The following PDIA6 variants were observed in gnomAD, a reference collection of about 807,000 sequenced individuals.
The protein encoded by PDIA6 is protein disulfide-isomerase A6.
A neutral mutation model predicts 58.4 loss-of-function variants in PDIA6; 29 were observed. That is an observed-to-expected ratio of 0.50 (90% CI 0.37 to 0.68). PDIA6 has a LOEUF of 0.68. Ranked by LOEUF, PDIA6 falls within the 30% of genes least tolerant of loss-of-function variation. PDIA6 has a pLI of 0.00. For synonymous variants in PDIA6, 192 were observed against 202.6 expected, an observed-to-expected ratio of 0.95 and a Z score of 0.44; for missense variants, 480 against 551.0, an observed-to-expected ratio of 0.87 and a Z score of 1.29.
In PDIA6 at chr2:10,797,123, T is replaced by C. The variant is rs1666298077; in HGVS notation, c.304A>G (p.Lys102Glu). The change falls in exon 4 of 13, where the codon AAG (lysine) becomes GAG (glutamate). Residue 102 changes from lysine (K) to glutamate (E), a missense_variant. By Grantham distance (56) the Lys-to-Glu change is moderately conservative (BLOSUM62 1). Coordinates refer to ENST00000272227, the MANE Select transcript of PDIA6 (RefSeq NM_005742.4). ...QYGVQGFPTI[K>E]IFGSNKNRPE... ...CTGTTTTTGTTGGATCCAAAAATCT[T>C]AATGGTAGGAAATCCCTGAACACCA... The C allele has an allele frequency of 6.2e-7, 1 of 1,613,456 alleles. No homozygotes were observed. Among genetic ancestry groups the C allele is most frequent in the South Asian group, 1.1e-5 (1 of 91,060 alleles).
At chr2:10,799,438 G>A (rs1365841942) in intron 2 of PDIA6, among the ~76,000 whole-genome samples, 1 of 152,208 alleles carries the variant, frequency 6.6e-6, no homozygotes, top group East Asian at 1.9e-4. Flanking sequence ...TGGAATTGAT[G>A]TTGAGAAGAA....
Position 10,812,733 on chromosome 2 carries a change from C to T in PDIA6, c.-37G>A. Reference sequence around the variant, plus strand: ...GGCTACGTGCAGTCCCCACCGCCGCCGCCGCTTCAGCCCTGCAGCGTGCCG... The same window carrying T: ...GGCTACGTGCAGTCCCCACCGCCGCTGCCGCTTCAGCCCTGCAGCGTGCCG... On this transcript the variant is annotated 5_prime_UTR_variant, in exon 1 of 13. Coordinates refer to ENST00000272227, the MANE Select transcript of PDIA6 (RefSeq NM_005742.4). 12 of 1,488,748 alleles carry T rather than the reference C, an allele frequency of 8.1e-6. No homozygotes were observed. Among genetic ancestry groups the T allele is most frequent in the African/African-American group, 2.9e-5 (2 of 68,962 alleles). 92.2% of individuals were successfully genotyped at this position (1,488,748 alleles called of 1,614,324 possible).
chr2:10,806,653 G>A (rs959121348), intron 1 of PDIA6, among the ~76,000 whole-genome samples: 1 of 97,236 alleles, frequency 1.0e-5, no homozygotes, highest in African/African-American at 3.2e-5. Context: ...AAAGAAAAAC[G>A]TTACAGTAAA....
In PDIA6 at chr2:10,792,730, G is replaced by C. The variant is rs528438914; in HGVS notation, c.453+366C>G. ...GCTGACTGCCACAGATACAGGCCAAGAGGTAATCCAATCTCATCACGGTTT... is the reference window on the plus strand; with the variant it reads ...GCTGACTGCCACAGATACAGGCCAACAGGTAATCCAATCTCATCACGGTTT... On this transcript the variant is annotated intron_variant, in intron 5 of 12. Transcript: ENST00000272227. 2.7e-5 allele frequency among the ~76,000 whole-genome samples: 3 copies of C among 111,566 alleles called. No individual in the cohort carries two copies. In the South Asian group the frequency reaches 1.0e-3, roughly 37 times the overall value. The allele number at this position is 111,566 out of a possible 152,430, so 73.2% of individuals were successfully genotyped here.
intron 2 of PDIA6, among the ~76,000 whole-genome samples, chr2:10,818,484 TTATTTA>T (rs772664599): frequency 0.051 from 3,016 of 58,772 alleles, 65 homozygotes; most frequent in Non-Finnish European, 0.057. Flanking sequence ...ACCATTTAAT[TTATTTA>T]TTTATTTATT....
intron 9 of PDIA6, 39 bp downstream of exon 9, chr2:10,788,858 C>T: frequency 6.4e-7 from 1 of 1,567,088 alleles, no homozygotes; most frequent in Non-Finnish European, 8.8e-7. Context: ...GAGCATCTAG[C>T]ATAGAACAGC....
At chr2:10,789,550 T>A (rs903364316) in intron 8 of PDIA6, among the ~76,000 whole-genome samples, 199 bp downstream of exon 8, 3 of 152,244 alleles carry the variant, frequency 2.0e-5, no homozygotes, top group African/African-American at 7.2e-5. Context: ...AAGCTCGTAT[T>A]TCTGTTCAGT....
chr2:10,822,604 G>A (rs1306115303), intron 1 of PDIA6, among the ~76,000 whole-genome samples: 1 of 152,212 alleles, frequency 6.6e-6, no homozygotes, highest in African/African-American at 2.4e-5. Flanking sequence ...AGGGATAAGT[G>A]GGCTCGTGCT....
intron 2 of PDIA6, among the ~76,000 whole-genome samples, chr2:10,798,950 G>A (rs1315882085): frequency 1.3e-5 from 2 of 152,190 alleles, no homozygotes; most frequent in Non-Finnish European, 2.9e-5. Context: ...ACGTTAGTGA[G>A]CCTAACAAGC....
chr2:10,826,098 C>T (rs1370004372), intron 1 of PDIA6, among the ~76,000 whole-genome samples: 5 of 152,170 alleles, frequency 3.3e-5, no homozygotes, highest in Non-Finnish European at 7.3e-5. Context: ...AATGGATGAA[C>T]GAAAAGTGCC....
intron 1 of PDIA6, among the ~76,000 whole-genome samples, chr2:10,806,622 T>TAAAGACAAAGAAAGAAAGACAG (rs1553339909): frequency 6.2e-5 from 3 of 48,694 alleles, no homozygotes; most frequent in Non-Finnish European, 6.8e-5. Context: ...TCCTAAAAAA[T>TAAAGACAAAGAAAGAAAGACAG]AAAGACAGAA....
intron 1 of PDIA6, among the ~76,000 whole-genome samples, chr2:10,822,542 G>A (rs888848521): frequency 1.3e-5 from 2 of 152,180 alleles, no homozygotes; most frequent in East Asian, 1.9e-4. Flanking sequence ...GATTACAGGC[G>A]TGAGCCACCG....
upstream of PDIA6, among the ~76,000 whole-genome samples, chr2:10,835,230 C>A (rs1667806780): frequency 6.6e-6 from 1 of 152,172 alleles, no homozygotes; most frequent in Admixed American, 6.5e-5. Flanking sequence ...AAGCCATCTG[C>A]AGGAAGTGCT....
At chr2:10,794,225 C>A (rs1041595006) in intron 4 of PDIA6, among the ~76,000 whole-genome samples, 1 of 151,924 alleles carries the variant, frequency 6.6e-6, no homozygotes, top group East Asian at 1.9e-4. Context: ...GCACGTGGAA[C>A]ACCTGAGGTC....
At chr2:10,795,558 T>C (rs1230818635) in intron 4 of PDIA6, among the ~76,000 whole-genome samples, 3 of 152,210 alleles carry the variant, frequency 2.0e-5, no homozygotes, top group Non-Finnish European at 4.4e-5. Flanking sequence ...TTGCCAAGTA[T>C]TTGTCTCATA....
chr2:10,789,980 ATTTTTTT>A (rs199881762), intron 7 of PDIA6, 91 bp from the exon 8 acceptor site: 17 of 827,320 alleles, frequency 2.1e-5, no homozygotes, highest in Non-Finnish European at 2.8e-5. Context: ...CTTATAGGTA[ATTTTTTT>A]TTTTTTTTTT....
At chr2:10,818,937 GCCAAAT>G (rs1667301777) in intron 2 of PDIA6, among the ~76,000 whole-genome samples, 1 of 151,988 alleles carries the variant, frequency 6.6e-6, no homozygotes, top group Admixed American at 6.6e-5. Flanking sequence ...CCCATTAAAT[GCCAAAT>G]CCTCATTCCC....
chr2:10,832,991 G>T (rs1667747841), upstream of PDIA6, among the ~76,000 whole-genome samples: 1 of 152,032 alleles, frequency 6.6e-6, no homozygotes, highest in Admixed American at 6.5e-5. Context: ...AGCCCTCTGG[G>T]GTCACTCTCC....
intron 1 of PDIA6, among the ~76,000 whole-genome samples, chr2:10,803,597 T>C (rs1666605041): frequency 6.6e-6 from 1 of 152,254 alleles, no homozygotes. Flanking sequence ...TGCCACATTG[T>C]GGATCAAGAG....
Sources: allele counts gnomAD v4.1 joint callset (sites outside exome capture counted in the v4.1 genomes callset), GRCh38; gene constraint gnomAD v4.1.1; transcripts MANE v1.5; gene names NCBI Gene and HGNC (gene_info 2026-07-23, HGNC 2026-07-21).